Variants in MYO15B observed in about 807,000 individuals in gnomAD.
MYO15B encodes myosin XVB pseudogene.
Under a neutral mutation model 119.3 loss-of-function variants are expected in MYO15B, and 207 were observed. The observed-to-expected ratio is 1.73, with a 90% CI of 1.55 to 1.95. The LOEUF (loss-of-function observed/expected upper bound fraction) is 1.95, where lower values mean the gene tolerates loss of function less well. Ranked by LOEUF, MYO15B falls within the 30% of genes most tolerant of loss-of-function variation. MYO15B has a pLI of 0.00. For synonymous variants in MYO15B, 966 were observed against 498.9 expected, an observed-to-expected ratio of 1.94 and a Z score of -12.48; for missense variants, 2,264 against 1,203.1, an observed-to-expected ratio of 1.88 and a Z score of -13.04.
At chr17:75,596,651 G>T (rs376705734) in intron 13 of MYO15B, 96 bp downstream of exon 13, 8 of 683,098 alleles carry the variant, frequency 1.2e-5, no homozygotes, top group Middle Eastern at 2.5e-4. Context: ...TGAGAGCTCT[G>T]CCTGGAAGGC....
At position 75,596,426 on chromosome 17, in the gene MYO15B, C is replaced by T. The variant is rs1286173956; in HGVS notation, c.3298-34C>T. 3 of 702,474 alleles carry T rather than the reference C, an allele frequency of 4.3e-6. No homozygotes were observed. The African/African-American group carries it at 5.2e-5, about 12-fold the overall frequency. The allele number at this position is 702,474 out of a possible 1,614,324, so 43.5% of individuals were successfully genotyped here. A position where few individuals can be genotyped will look rare whatever the true frequency, so the allele number is the denominator to read the frequency against. Reference sequence around the variant, plus strand: ...CTCTGGGGTGGGGGGAGGGCACAGCCCCATGTGCCCACCTCACTGCCACAT... The same window carrying T: ...CTCTGGGGTGGGGGGAGGGCACAGCTCCATGTGCCCACCTCACTGCCACAT... On this transcript the variant is annotated intron_variant, in intron 12 of 63. Transcript: ENST00000645453.
chr17:75,597,149 C>T (rs1232973340), intron 14 of MYO15B, among the ~76,000 whole-genome samples: 1 of 152,202 alleles, frequency 6.6e-6, no homozygotes, highest in Non-Finnish European at 1.5e-5. Context: ...AGGTTCCTCA[C>T]GTACCTGCCA....
exon 31 of MYO15B, chr17:75,614,642 C>T (rs1377143097): frequency 1.4e-6 from 1 of 700,892 alleles, no homozygotes; most frequent in Non-Finnish European, 2.6e-6. Flanking sequence ...CCAGGACCCC[C>T]TCCAGGTCCA....
rs761149535 is a variant in MYO15B at position 75,625,117 on chromosome 17, G to A, written c.8689-6G>A. ...CGCTGCCCTCCTCACCGTGCTCCCC[G>A]CACAGGTGCTGTGGGACTACCTTCA... On this transcript the variant is annotated splice_region_variant and splice_polypyrimidine_tract_variant and intron_variant, in intron 59 of 63. Coordinates refer to ENST00000645453, the Ensembl canonical transcript of MYO15B. The A allele has an allele frequency of 2.5e-5, 17 of 691,998 alleles. No homozygotes were observed. The highest frequency in any genetic ancestry group is 1.8e-4 in the South Asian group (12 of 66,606). 42.9% of individuals were successfully genotyped at this position (691,998 alleles called of 1,614,324 possible).
chr17:75,612,872 T>A, exon 26 of MYO15B: 1 of 702,594 alleles, frequency 1.4e-6, no homozygotes, highest in Non-Finnish European at 2.6e-6. Flanking sequence ...ACCCTCAGCG[T>A]GCCCTGGACA....
At chr17:75,588,745 C>T in exon 1 of MYO15B, 1 of 397,960 alleles carries the variant, frequency 2.5e-6, no homozygotes, top group Non-Finnish European at 4.4e-6. Context: ...GACGGGGCCC[C>T]TGGGAGCCAG....
intron 16 of MYO15B, 60 bp downstream of exon 16, chr17:75,602,654 T>G (rs2057359560): frequency 1.6e-6 from 1 of 615,132 alleles, no homozygotes. Context: ...AATTCTGTCC[T>G]TTTCCCCCTG....
intron 14 of MYO15B, among the ~76,000 whole-genome samples, chr17:75,600,136 C>G (rs1386318583): frequency 6.7e-6 from 1 of 149,600 alleles, no homozygotes; most frequent in African/African-American, 2.5e-5. Context: ...ACGCCATTCT[C>G]CTGCCTCAGC....
chr17:75,614,487 C>T, intron 30 of MYO15B, 96 bp from the exon 31 acceptor site: 2 of 646,044 alleles, frequency 3.1e-6, no homozygotes, highest in Non-Finnish European at 5.6e-6. Context: ...CTCCTCCCAA[C>T]CATGGGGTGA....
In MYO15B at chr17:75,616,290, A is replaced by G. The variant is rs370975778; in HGVS notation, c.6110-22A>G. 66 of 599,852 alleles carry G rather than the reference A, an allele frequency of 1.1e-4. 1 individual carries two copies. In the African/African-American group the frequency reaches 1.2e-3, roughly 10 times the overall value. 37.2% of individuals were successfully genotyped at this position (599,852 alleles called of 1,614,324 possible). The stretch of plus-strand genomic sequence containing the variant: ...AGCTGGGCCAGTATGGGTAACTTTG[A>G]AGGCCATCTGGACACTTGCAGGGCA... On this transcript the variant is annotated intron_variant, in intron 37 of 63. Transcript: ENST00000645453.
At chr17:75,617,599 T>C (rs544594487) in intron 41 of MYO15B, 3 of 429,672 alleles carry the variant, frequency 7.0e-6, no homozygotes, top group African/African-American at 2.6e-5. Context: ...GACATGGTCA[T>C]AGAAGACCCA....
exon 17 of MYO15B, chr17:75,602,903 G>A (rs1471440068): frequency 1.9e-5 from 13 of 688,416 alleles, no homozygotes; most frequent in East Asian, 1.3e-4. Flanking sequence ...CTGGCCTCTC[G>A]CTTCCAGCAG....
chr17:75,614,422 C>A, intron 30 of MYO15B, 62 bp downstream of exon 30: 1 of 685,316 alleles, frequency 1.5e-6, no homozygotes, highest in South Asian at 1.5e-5. Context: ...CACAGCCACC[C>A]TGCCACACTC....
rs62089223 is a variant in MYO15B, at chr17:75,589,605, T to C, written c.1548T>C (p.Gly516=). 34,666 of 398,614 alleles carry C rather than the reference T, an allele frequency of 0.087. 1,680 individuals carry two copies. The highest frequency in any genetic ancestry group is 0.15 in the Middle Eastern group (240 of 1,592). The allele number at this position is 398,614 out of a possible 1,614,324, so 24.7% of individuals were successfully genotyped here. ...GGGGTATGCCGAGGGCTTCCCCTGG[T>C]GGCCGCTCCCCGCAGGTCCCGACAA... Residue 516 remains glycine (G), a synonymous_variant, in exon 1 of 64, where the codon GGT becomes GGC. Transcript: ENST00000645453. This position sits in a 1 kb window ranked among gnomAD's most constrained non-coding sequence, Gnocchi z 4.2.
exon 1 of MYO15B, chr17:75,588,527 G>A (rs2056205561): frequency 2.5e-6 from 1 of 398,650 alleles, no homozygotes; most frequent in Non-Finnish European, 4.4e-6. Flanking sequence ...GACGGAGGCA[G>A]CTCCTGTCCG....
At chr17:75,621,689 C>T (rs2058721637) in intron 52 of MYO15B, 119 bp downstream of exon 52, 7 of 624,880 alleles carry the variant, frequency 1.1e-5, no homozygotes, top group Non-Finnish European at 2.0e-5. Flanking sequence ...CTCCGGGAAG[C>T]TCACTGGTGG....
intron 13 of MYO15B, 47 bp downstream of exon 13, chr17:75,596,602 C>T (rs1324694619): frequency 1.4e-6 from 1 of 700,798 alleles, no homozygotes; most frequent in Admixed American, 2.0e-5. Context: ...CAGGCATTGC[C>T]CAGGCAGAGG....
exon 1 of MYO15B, chr17:75,590,046 C>T (rs28488097): frequency 0.02 from 8,080 of 399,018 alleles, 110 homozygotes; most frequent in Non-Finnish European, 0.026. Flanking sequence ...TGGAGACCCG[C>T]CTGCAGCAGG....
chr17:75,611,910 G>A, exon 25 of MYO15B: 1 of 703,000 alleles, frequency 1.4e-6, no homozygotes. Context: ...CTGGCTGGGA[G>A]CATCACCGAG....
Sources: gnomAD v4.1 joint callset for allele counts (sites outside exome capture counted in the v4.1 genomes callset) on GRCh38, gnomAD v4.1.1 for gene constraint, Gnocchi (gnomAD v3.1) non-coding constraint, MANE v1.5 for transcripts, NCBI Gene and HGNC (gene_info 2026-07-23, HGNC 2026-07-21) for gene names.